Variants in USP53 observed in about 807,000 individuals in gnomAD.
USP53 encodes the protein ubiquitin carboxyl-terminal hydrolase 53.
A neutral mutation model predicts 94.9 loss-of-function variants in USP53; 71 were observed. That is an observed-to-expected ratio of 0.75 (90% CI 0.62 to 0.91). The LOEUF (loss-of-function observed/expected upper bound fraction) is 0.91. Ranked by LOEUF, USP53 falls within the 40% of genes least tolerant of loss-of-function variation. The pLI, the probability that USP53 is intolerant of heterozygous loss-of-function variation, is 0.00. For missense variants in USP53, 1,173 were observed against 1,281.0 expected, an observed-to-expected ratio of 0.92 and a Z score of 1.29; for synonymous variants, 375 against 422.7, an observed-to-expected ratio of 0.89 and a Z score of 1.39.
At chr4:119,222,979 CT>C (rs1293797027) in intron 3 of USP53, among the ~76,000 whole-genome samples, 1 of 151,732 alleles carries the variant, frequency 6.6e-6, no homozygotes, top group Admixed American at 6.6e-5. Flanking sequence ...ATATTTTTCC[CT>C]TGTGGATTAT....
intron 3 of USP53, among the ~76,000 whole-genome samples, chr4:119,225,970 G>A (rs1378437657): frequency 6.6e-6 from 1 of 152,112 alleles, no homozygotes; most frequent in Non-Finnish European, 1.5e-5. Context: ...GTAATATACT[G>A]CATTAAGACT....
intron 9 of USP53, among the ~76,000 whole-genome samples, chr4:119,259,174 A>G (rs1362210793): frequency 6.6e-6 from 1 of 151,794 alleles, no homozygotes; most frequent in South Asian, 2.1e-4. Context: ...CCAGCTCCTC[A>G]AGAGGCTGAG....
chr4:119,245,299 G>C (rs766700390), intron 5 of USP53, 38 bp from the exon 6 acceptor site: 1 of 1,587,250 alleles, frequency 6.3e-7, no homozygotes, highest in Admixed American at 1.7e-5. Flanking sequence ...AGAAAAATTT[G>C]TTTATTTCTT....
At chr4:119,269,899 T>C in intron 15 of USP53, 62 bp downstream of exon 15, 4 of 1,145,186 alleles carry the variant, frequency 3.5e-6, no homozygotes, top group Non-Finnish European at 3.4e-6. Context: ...ATTTTAAAAC[T>C]GAATTTTATA....
At chr4:119,223,494 T>C (rs1420082296) in intron 3 of USP53, among the ~76,000 whole-genome samples, 1 of 152,210 alleles carries the variant, frequency 6.6e-6, no homozygotes, top group African/African-American at 2.4e-5. Context: ...TGAAGATCGC[T>C]GCCTTTAAAT....
Position 119,268,153 on chromosome 4 carries a change from G to A in USP53, c.1136-115G>A, listed in dbSNP as rs550758015. ...CTGCAGTCCGCAGTCCGGCCTGGGC[G>A]ACAGAGCGAGACTCCGTCTCAAAAA... On this transcript the variant is annotated intron_variant, in intron 13 of 18. Transcript: ENST00000692078. The A allele has an allele frequency of 2.6e-3, 2,632 of 1,028,562 alleles. 6 individuals are homozygous for A. The highest frequency in any genetic ancestry group is 3.1e-3 in the Non-Finnish European group (2,397 of 763,652). The allele number at this position is 1,028,562 out of a possible 1,614,324, so 63.7% of individuals were successfully genotyped here. A position where few individuals can be genotyped will look rare whatever the true frequency, so the allele number is the denominator to read the frequency against.
intron 5 of USP53, among the ~76,000 whole-genome samples, chr4:119,242,974 A>G (rs1561233375): frequency 1.3e-5 from 2 of 152,208 alleles, no homozygotes; most frequent in Non-Finnish European, 2.9e-5. Flanking sequence ...TAAAGAATGT[A>G]TGATGAAAGG....
chr4:119,228,411 G>T (rs1745608011), intron 3 of USP53, among the ~76,000 whole-genome samples: 1 of 152,158 alleles, frequency 6.6e-6, no homozygotes, highest in Non-Finnish European at 1.5e-5. Flanking sequence ...AAAGCACTCT[G>T]CTTTTAAGGA....
chr4:119,265,415 A>G (rs1750992672), intron 12 of USP53, among the ~76,000 whole-genome samples: 1 of 152,186 alleles, frequency 6.6e-6, no homozygotes. Flanking sequence ...TTGGAGGAAG[A>G]ACTGGCTGTA....
intron 17 of USP53, among the ~76,000 whole-genome samples, chr4:119,279,833 C>T (rs534654271): frequency 6.6e-5 from 10 of 152,310 alleles, no homozygotes; most frequent in African/African-American, 2.2e-4. Context: ...GTCCGAAAAG[C>T]GCAATATTCG....
chr4:119,262,784 G>T (rs12649811), intron 12 of USP53, among the ~76,000 whole-genome samples: 32,613 of 152,138 alleles, frequency 0.21, 4,080 homozygotes, highest in South Asian at 0.32. Flanking sequence ...TAATAATATT[G>T]TCTAGAAAAG....
intron 4 of USP53, among the ~76,000 whole-genome samples, chr4:119,238,930 T>C (rs914631264): frequency 3.3e-5 from 5 of 152,198 alleles, no homozygotes; most frequent in African/African-American, 7.2e-5. Context: ...TGTTGACAGA[T>C]ACAGCATACC....
intron 3 of USP53, among the ~76,000 whole-genome samples, chr4:119,227,486 C>T (rs1745455072): frequency 1.3e-5 from 2 of 152,060 alleles, no homozygotes; most frequent in South Asian, 4.1e-4. Flanking sequence ...AAAAATTAGC[C>T]GGGCGTGGTG....
At chr4:119,269,877 T>C in intron 15 of USP53, 40 bp downstream of exon 15, 1 of 1,284,094 alleles carries the variant, frequency 7.8e-7, no homozygotes. Context: ...AAAAGGAACT[T>C]CTAAAAATCT....
chr4:119,229,679 G>T (rs914692036), intron 3 of USP53, among the ~76,000 whole-genome samples: 3 of 151,976 alleles, frequency 2.0e-5, no homozygotes, highest in African/African-American at 4.8e-5. Flanking sequence ...CACTGCCCTT[G>T]TGCAGGCCTA....
At chr4:119,245,222 T>G in intron 5 of USP53, 115 bp from the exon 6 acceptor site, 1 of 846,840 alleles carries the variant, frequency 1.2e-6, no homozygotes, top group Non-Finnish European at 1.9e-6. Flanking sequence ...GTACAGGCAA[T>G]TAAAAGAAGT....
intron 3 of USP53, among the ~76,000 whole-genome samples, chr4:119,225,325 A>G (rs1262345795): frequency 1.3e-5 from 2 of 152,256 alleles, no homozygotes; most frequent in Non-Finnish European, 2.9e-5. Flanking sequence ...AGAAAATTCT[A>G]GGCCCAGATA....
intron 3 of USP53, among the ~76,000 whole-genome samples, chr4:119,227,299 A>ACACACACACACACACACACACACAC (rs1491380548): frequency 9.0e-4 from 131 of 145,734 alleles, no homozygotes; most frequent in African/African-American, 1.1e-3. Context: ...ACACACACAC[A>ACACACACACACACACACACACACAC]AACTTGAAAT....
chr4:119,292,399 G>A lies in USP53; in HGVS notation c.2410G>A (p.Asp804Asn), dbSNP rs1754858709. 6.2e-7 allele frequency: 1 copy of A among 1,613,536 alleles called. No individual in the cohort carries two copies. The highest frequency in any genetic ancestry group is 8.5e-7 in the Non-Finnish European group (1 of 1,179,808). ...FPSSSLQIPK[D>N]HNAREHIHQS... ...TTCATCCAGTCTACAAATACCCAAG[G>A]ACCATAATGCAAGAGAACATATCCA... Residue 804 changes from aspartate to asparagine, a missense_variant, in exon 19 of 19, where the codon GAC becomes AAC. Physicochemically the swap from Asp to Asn is conservative, Grantham distance 23 (BLOSUM62 1). Transcript: ENST00000692078.
Sources: gnomAD v4.1 joint callset for allele counts (sites outside exome capture counted in the v4.1 genomes callset) on GRCh38, gnomAD v4.1.1 for gene constraint, MANE v1.5 for transcripts, NCBI Gene and HGNC (gene_info 2026-07-23, HGNC 2026-07-21) for gene names.